Variants in SLC12A9 observed in about 807,000 individuals in gnomAD.
The protein encoded by SLC12A9 is solute carrier family 12 member 9.
Under a neutral mutation model 66.0 loss-of-function variants are expected in SLC12A9, and 55 were observed. The ratio of observed to expected loss-of-function variants is 0.83; its 90% CI spans 0.67 to 1.04. The LOEUF is 1.04. Among genes scored for constraint, SLC12A9 ranks in the 50% least tolerant of loss-of-function variants. The probability of loss-of-function intolerance (pLI) is 0.00; values close to 1 mark genes in which losing one functional copy is unlikely to be tolerated. For synonymous variants in SLC12A9, 577 were observed against 569.0 expected (o/e 1.01, Z -0.20); for missense variants, 1,061 against 1,241.9 (o/e 0.85, Z 2.19).
chr7:100,862,013 G>A, intron 12 of SLC12A9, 102 bp downstream of exon 12: 2 of 1,273,444 alleles, frequency 1.6e-6, no homozygotes, highest in Non-Finnish European at 2.1e-6. Context: ...AGGCTGGAGT[G>A]CAGTGGGACG....
At chr7:100,865,264 A>G in intron 13 of SLC12A9, 1 of 1,535,528 alleles carries the variant, frequency 6.5e-7, no homozygotes, top group Non-Finnish European at 8.7e-7. Flanking sequence ...TGCCTGGTCC[A>G]TTTTTTCATC....
chr7:100,861,990 C>T lies in SLC12A9; in HGVS notation c.1711+79C>T, dbSNP rs1333104265. ...TTTTTTTTTTTTTGAGATGGAGCTT[C>T]GTTCTGTTGCCCAGGCTGGAGTGCA... On this transcript the variant is annotated intron_variant, in intron 12 of 13. Transcript: ENST00000354161. This position sits in a 1 kb window ranked among gnomAD's most constrained non-coding sequence, Gnocchi z 5.3. 1.0e-4 allele frequency: 144 copies of T among 1,410,782 alleles called. 1 individual carries two copies. Among genetic ancestry groups the T allele is most frequent in the East Asian group, 1.5e-4 (6 of 40,134 alleles). The allele number at this position is 1,410,782 out of a possible 1,614,324, so 87.4% of individuals were successfully genotyped here.
rs150046489 is a variant in SLC12A9, at chr7:100,862,495, C to T, written c.1712-186C>T. Among the ~76,000 whole-genome samples, 514 of 152,338 alleles carry T rather than the reference C, an allele frequency of 3.4e-3. 3 individuals are homozygous for T. The highest frequency in any genetic ancestry group is 1.0e-2 in the South Asian group (48 of 4,824). On this transcript the variant is annotated intron_variant, in intron 12 of 13. Transcript: ENST00000354161. ...CTCCTGGCTCAAGCAGCCCTCCCAC[C>T]TTGGCTTCCCAAAGGGCAGGGATTA...
At chr7:100,838,725 T>C (rs1353991890) in intron 1 of SLC12A9, among the ~76,000 whole-genome samples, 6 of 152,094 alleles carry the variant, frequency 3.9e-5, no homozygotes, top group African/African-American at 1.4e-4. Flanking sequence ...CCTTTCATAT[T>C]GTCTTATGCC....
At chr7:100,860,781 G>GGGTGCGCTGGCACTTTGCAT (rs1467920036) in intron 9 of SLC12A9, 10 of 407,622 alleles carry the variant, frequency 2.5e-5, no homozygotes, top group African/African-American at 2.1e-4. Flanking sequence ...GACACTTTGG[G>GGGTGCGCTGGCACTTTGCAT]GGTGCGCTGG....
chr7:100,861,738 T>C lies in SLC12A9; in HGVS notation c.1538T>C (p.Val513Ala), dbSNP rs766068721. ...YVSQALLFHQVRKYLLRLDVR... is the reference protein window; with the variant it reads ...YVSQALLFHQARKYLLRLDVR... ...CCACTGCCTCACCCCTATACCCAGG[T>C]GCGTAAGTATCTGCTTCGGCTGGAC... is the stretch of plus-strand genomic sequence containing the variant. The change falls in exon 12 of 14, where the codon GTG (valine) becomes GCG (alanine). Residue 513 changes from valine (V) to alanine (A), a missense_variant and splice_region_variant. Coordinates refer to ENST00000354161, the MANE Select transcript of SLC12A9 (RefSeq NM_020246.4). The surrounding 1 kb of genome is among the most constrained non-coding windows in gnomAD (Gnocchi z 5.3). The C allele has an allele frequency of 1.2e-6, 2 of 1,614,016 alleles. No individual in the cohort carries two copies. The highest frequency in any genetic ancestry group is 1.7e-5 in the Admixed American group (1 of 60,008).
intron 1 of SLC12A9, among the ~76,000 whole-genome samples, chr7:100,847,357 G>C (rs1296720711): frequency 6.6e-6 from 1 of 152,218 alleles, no homozygotes; most frequent in Non-Finnish European, 1.5e-5. Flanking sequence ...ACTGTAGTTG[G>C]TGAGTCAGGC....
At chr7:100,829,254 C>T (rs1813494698) in intron 1 of SLC12A9, among the ~76,000 whole-genome samples, 1 of 152,122 alleles carries the variant, frequency 6.6e-6, no homozygotes, top group Non-Finnish European at 1.5e-5. Context: ...TCCCAAAGTG[C>T]TGGGATTACA....
intron 1 of SLC12A9, among the ~76,000 whole-genome samples, chr7:100,846,240 T>C (rs1179577731): frequency 6.6e-6 from 1 of 152,220 alleles, no homozygotes; most frequent in East Asian, 1.9e-4. Context: ...ACTGCTCCTT[T>C]GTTTGCTACC....
upstream of SLC12A9, among the ~76,000 whole-genome samples, chr7:100,848,527 T>TAAATAAATAAATAATA (rs369233222): frequency 7.9e-6 from 1 of 126,390 alleles, no homozygotes; most frequent in Non-Finnish European, 1.9e-5. Flanking sequence ...AATAAATAAA[T>TAAATAAATAAATAATA]AATAAATAAA....
intron 1 of SLC12A9, among the ~76,000 whole-genome samples, chr7:100,834,791 C>T (rs544715394): frequency 8.5e-5 from 13 of 152,126 alleles, no homozygotes; most frequent in Admixed American, 5.2e-4. Context: ...GAGGATCACC[C>T]GAGCCCAGGA....
chr7:100,854,769 C>G lies in SLC12A9; in HGVS notation c.316+15C>G, dbSNP rs527999530. On this transcript the variant is annotated intron_variant, in intron 3 of 13. Coordinates refer to ENST00000354161, the MANE Select transcript of SLC12A9 (RefSeq NM_020246.4). ...CGGAGCCTACTGTATCCTCCAACATCGATGGACTGGGGTCTGGCCTGTTCT... is the reference window on the plus strand; with the variant it reads ...CGGAGCCTACTGTATCCTCCAACATGGATGGACTGGGGTCTGGCCTGTTCT... The G allele has an allele frequency of 8.1e-6, 13 of 1,613,362 alleles. No individual in the cohort carries two copies. The Admixed American group carries it at 1.2e-4, about 14-fold the overall frequency.
chr7:100,856,609 G>T, intron 4 of SLC12A9: 1 of 461,950 alleles, frequency 2.2e-6, no homozygotes, highest in Middle Eastern at 5.8e-4. Context: ...CTGCCTCCCG[G>T]GCTCATGCGA....
rs1264810345 is a variant in SLC12A9, at chr7:100,844,052, CGA to C, written n.229-15832_229-15831del. ...GGAAGCTGACTGGTCCACGCATGGC[CGA>C]AGCATGAGAAAACTCATCGCAGGAC... is the stretch of plus-strand genomic sequence containing the variant. On this transcript the variant is annotated intron_variant and non_coding_transcript_variant, in intron 1 of 1. Coordinates refer to the SLC12A9 transcript ENST00000461016. 2.4e-4 allele frequency among the ~76,000 whole-genome samples: 37 copies of C among 152,152 alleles called. No individual in the cohort carries two copies. In the South Asian group the frequency reaches 6.0e-3, roughly 25 times the overall value.
At chr7:100,832,499 C>T (rs922497407) in intron 1 of SLC12A9, among the ~76,000 whole-genome samples, 3 of 152,034 alleles carry the variant, frequency 2.0e-5, no homozygotes, top group African/African-American at 2.4e-5. Flanking sequence ...GGCAACAGAG[C>T]GAGACCCCAT....
At chr7:100,832,387 C>G (rs1813560916) in intron 1 of SLC12A9, among the ~76,000 whole-genome samples, 1 of 151,988 alleles carries the variant, frequency 6.6e-6, no homozygotes, top group South Asian at 2.1e-4. Flanking sequence ...TGGCATGTGG[C>G]TATGGTCTCT....
chr7:100,861,974 T>G lies in SLC12A9; in HGVS notation c.1711+63T>G, dbSNP rs1814787593. The G allele has an allele frequency of 1.4e-6, 2 of 1,473,818 alleles. No individual in the cohort carries two copies. The highest frequency in any genetic ancestry group is 5.0e-5 in the Admixed American group (2 of 39,800). The allele number at this position is 1,473,818 out of a possible 1,614,324, so 91.3% of individuals were successfully genotyped here. On this transcript the variant is annotated intron_variant, in intron 12 of 13. Coordinates refer to ENST00000354161, the MANE Select transcript of SLC12A9 (RefSeq NM_020246.4). This position sits in a 1 kb window ranked among gnomAD's most constrained non-coding sequence, Gnocchi z 5.3. ...TTCTCTCCCCCTACCTTTTTTTTTTTTTTGAGATGGAGCTTCGTTCTGTTG... is the reference window on the plus strand; with the variant it reads ...TTCTCTCCCCCTACCTTTTTTTTTTGTTTGAGATGGAGCTTCGTTCTGTTG...
Position 100,861,594 on chromosome 7 carries a change from G to A in SLC12A9, c.1536+10G>A. 1.2e-6 allele frequency: 2 copies of A among 1,611,526 alleles called. No individual in the cohort carries two copies. Among genetic ancestry groups the A allele is most frequent in the Non-Finnish European group, 1.7e-6 (2 of 1,178,432 alleles). Reference sequence around the variant, plus strand: ...CTTGCTTTTCCACCAGGTATGGGGAGCTGGTGGGGCGGTGGGGAAATGGGA... The same window carrying A: ...CTTGCTTTTCCACCAGGTATGGGGAACTGGTGGGGCGGTGGGGAAATGGGA... On this transcript the variant is annotated intron_variant, in intron 11 of 13. Coordinates refer to ENST00000354161, the MANE Select transcript of SLC12A9 (RefSeq NM_020246.4). This position sits in a 1 kb window ranked among gnomAD's most constrained non-coding sequence, Gnocchi z 5.3.
At chr7:100,848,398 T>G (rs1190028601), upstream of SLC12A9, among the ~76,000 whole-genome samples, 1 of 151,744 alleles carries the variant, frequency 6.6e-6, no homozygotes, top group African/African-American at 2.4e-5. Flanking sequence ...CTCAGGAGGC[T>G]GAGGCAGGAG....
Sources: allele counts gnomAD v4.1 joint callset (sites outside exome capture counted in the v4.1 genomes callset), GRCh38; gene constraint gnomAD v4.1.1; non-coding constraint Gnocchi (gnomAD v3.1); transcripts MANE v1.5; gene names NCBI Gene and HGNC (gene_info 2026-07-23, HGNC 2026-07-21).